SMYD3: variants seen among roughly 807,000 people sequenced by gnomAD.
SMYD3 encodes the protein SET and MYND domain containing 3.
In SMYD3, 36 loss-of-function variants were observed where a neutral mutation model predicts 57.7. The observed-to-expected ratio is 0.62, with a 90% CI of 0.48 to 0.82. The LOEUF is 0.82. Among genes scored for constraint, SMYD3 ranks in the 40% least tolerant of loss-of-function variants. The probability of loss-of-function intolerance (pLI) is 0.00; values close to 1 mark genes in which losing one functional copy is unlikely to be tolerated. For missense variants in SMYD3, 515 were observed against 538.8 expected (o/e 0.96, Z 0.44); for synonymous variants, 211 against 195.0 (o/e 1.08, Z -0.68).
intron 7 of SMYD3, among the ~76,000 whole-genome samples, chr1:245,918,927 G>GA (rs1289074722): frequency 2.6e-5 from 4 of 152,138 alleles, no homozygotes; most frequent in African/African-American, 9.7e-5. Flanking sequence ...TGTCATGCCA[G>GA]AAAAAAATGT....
intron 10 of SMYD3, among the ~76,000 whole-genome samples, chr1:245,826,278 G>A (rs1244167357): frequency 6.6e-6 from 1 of 152,064 alleles, no homozygotes; most frequent in South Asian, 2.1e-4. Flanking sequence ...CATATAACTG[G>A]AATCAAATAG....
intron 1 of SMYD3, among the ~76,000 whole-genome samples, chr1:246,458,326 T>G (rs1216111286): frequency 2.0e-5 from 3 of 151,956 alleles, no homozygotes; most frequent in Non-Finnish European, 4.4e-5. Flanking sequence ...ACAAGCAGAG[T>G]TGGAAAAACT....
chr1:246,034,316 T>C (rs138971173), intron 5 of SMYD3, among the ~76,000 whole-genome samples: 51 of 152,174 alleles, frequency 3.4e-4, no homozygotes, highest in African/African-American at 1.1e-3. Context: ...ATAACATTCA[T>C]CCACATTCCT....
intron 1 of SMYD3, among the ~76,000 whole-genome samples, chr1:246,482,892 G>A (rs988594099): frequency 3.3e-5 from 5 of 151,996 alleles, no homozygotes; most frequent in African/African-American, 1.2e-4. Context: ...CACAGACAAG[G>A]GCAGACCAAG....
chr1:246,187,020 T>C (rs770678666), intron 5 of SMYD3: 13 of 778,270 alleles, frequency 1.7e-5, no homozygotes, highest in African/African-American at 7.5e-5. Context: ...GTAGGTGTGA[T>C]GTGCTAGATA....
At chr1:246,358,854 C>T (rs1437135953) in intron 1 of SMYD3, among the ~76,000 whole-genome samples, 3 of 152,066 alleles carry the variant, frequency 2.0e-5, no homozygotes, top group African/African-American at 4.8e-5. Flanking sequence ...ATGCCTACAT[C>T]GAAAAGCCTG....
intron 11 of SMYD3, among the ~76,000 whole-genome samples, chr1:245,757,696 G>T (rs937078867): frequency 2.6e-5 from 4 of 152,082 alleles, no homozygotes; most frequent in Non-Finnish European, 5.9e-5. Context: ...TTTTTCCATT[G>T]AGTGGTCTTG....
At chr1:246,442,424 C>T (rs1261766482) in intron 1 of SMYD3, among the ~76,000 whole-genome samples, 3 of 152,188 alleles carry the variant, frequency 2.0e-5, no homozygotes, top group East Asian at 1.9e-4. Flanking sequence ...TGACGCACAC[C>T]TGTAATCCCA....
intron 1 of SMYD3, among the ~76,000 whole-genome samples, chr1:246,479,952 G>A (rs373269694): frequency 4.6e-5 from 7 of 151,938 alleles, no homozygotes; most frequent in Non-Finnish European, 8.8e-5. Flanking sequence ...ATTAAATATC[G>A]CAACAAATAC....
At chr1:246,008,157 T>G (rs1360217099) in intron 5 of SMYD3, among the ~76,000 whole-genome samples, 1 of 152,220 alleles carries the variant, frequency 6.6e-6, no homozygotes, top group Non-Finnish European at 1.5e-5. Context: ...TTTCCTTACC[T>G]GTAAACAGGG....
At chr1:245,821,197 A>C (rs2049136308) in intron 10 of SMYD3, among the ~76,000 whole-genome samples, 1 of 150,194 alleles carries the variant, frequency 6.7e-6, no homozygotes, top group South Asian at 2.2e-4. Flanking sequence ...ACCAAAACAG[A>C]GATATAGATC....
At chr1:246,506,140 G>T (rs1177116820) in intron 1 of SMYD3, among the ~76,000 whole-genome samples, 1 of 152,100 alleles carries the variant, frequency 6.6e-6, no homozygotes, top group South Asian at 2.1e-4. Flanking sequence ...TCTGAAAAGC[G>T]GCCATGCACA....
intron 8 of SMYD3, among the ~76,000 whole-genome samples, chr1:245,885,415 C>T (rs2053035025): frequency 6.6e-6 from 1 of 152,166 alleles, no homozygotes; most frequent in Non-Finnish European, 1.5e-5. Flanking sequence ...CTGCAAGCTT[C>T]CAGCTTGCTT....
At chr1:246,472,083 A>C (rs77170431) in intron 1 of SMYD3, among the ~76,000 whole-genome samples, 9 of 186 alleles carry the variant, frequency 0.048, no homozygotes, top group Non-Finnish European at 0.25. Flanking sequence ...GAAAAAAAAC[A>C]AAAAAAAGGA....
chr1:245,768,832 C>T (rs2046223568), intron 10 of SMYD3, among the ~76,000 whole-genome samples: 1 of 152,108 alleles, frequency 6.6e-6, no homozygotes, highest in Non-Finnish European at 1.5e-5. Context: ...CACCAGACAA[C>T]CTGCTGGCAC....
At chr1:246,459,305 C>T (rs1379442906) in intron 1 of SMYD3, among the ~76,000 whole-genome samples, 1 of 147,902 alleles carries the variant, frequency 6.8e-6, no homozygotes, top group African/African-American at 2.6e-5. Context: ...GTGGCTCCTG[C>T]TCTGCTGTTC....
intron 5 of SMYD3, among the ~76,000 whole-genome samples, chr1:246,126,228 G>A (rs1284020734): frequency 6.6e-6 from 1 of 152,258 alleles, no homozygotes; most frequent in Admixed American, 6.5e-5. Context: ...GGGGTACTAG[G>A]GACCATTTTC....
chr1:246,197,769 A>G (rs965100618), intron 5 of SMYD3, among the ~76,000 whole-genome samples: 10 of 152,210 alleles, frequency 6.6e-5, no homozygotes, highest in Non-Finnish European at 1.5e-4. Flanking sequence ...ATAATGCACC[A>G]TACTAATATA....
At chr1:246,191,986 A>G (rs2062745766) in intron 5 of SMYD3, among the ~76,000 whole-genome samples, 1 of 152,244 alleles carries the variant, frequency 6.6e-6, no homozygotes, top group African/African-American at 2.4e-5. Context: ...GAAACATCTG[A>G]AAACACTGGA....
Sources: allele counts gnomAD v4.1 joint callset (sites outside exome capture counted in the v4.1 genomes callset), GRCh38; gene constraint gnomAD v4.1.1; transcripts MANE v1.5; gene names NCBI Gene and HGNC (gene_info 2026-07-23, HGNC 2026-07-21).